The following MDGA2 variants were observed in gnomAD, a reference collection of about 807,000 sequenced individuals.
MDGA2 encodes the protein MAM domain-containing glycosylphosphatidylinositol anchor protein 2.
In MDGA2, 40 loss-of-function variants were observed where a neutral mutation model predicts 117.8. The observed-to-expected ratio is 0.34, with a 90% confidence interval of 0.26 to 0.44. MDGA2 has a LOEUF of 0.44. MDGA2 is among the 20% of genes least tolerant of loss of function. The pLI is 1.00. For synonymous variants in MDGA2, 452 were observed against 439.0 expected, an observed-to-expected ratio of 1.03 and a Z score of -0.37; for missense variants, 1,123 against 1,250.6, an observed-to-expected ratio of 0.90 and a Z score of 1.54.
At chr14:47,014,559 C>T (rs527706126) in intron 8 of MDGA2, among the ~76,000 whole-genome samples, 4 of 152,294 alleles carry the variant, frequency 2.6e-5, no homozygotes, top group African/African-American at 7.2e-5. Context: ...CATCAGGACT[C>T]GCTGCTTCAC....
chr14:47,172,837 G>A (rs548015609), intron 3 of MDGA2, among the ~76,000 whole-genome samples: 140 of 152,208 alleles, frequency 9.2e-4, no homozygotes, highest in Non-Finnish European at 1.6e-3. Flanking sequence ...GGCTTCAGAC[G>A]ATCAAACTAC....
At chr14:47,580,253 T>A (rs1287367739) in intron 1 of MDGA2, among the ~76,000 whole-genome samples, 1 of 152,042 alleles carries the variant, frequency 6.6e-6, no homozygotes, top group Admixed American at 6.6e-5. Flanking sequence ...AGACACAAGA[T>A]TCAGTGTCTT....
intron 8 of MDGA2, among the ~76,000 whole-genome samples, chr14:46,980,654 A>G (rs1886635461): frequency 6.6e-6 from 1 of 152,202 alleles, no homozygotes; most frequent in Non-Finnish European, 1.5e-5. Context: ...GTTTTATCTT[A>G]AGAAATTGCC....
chr14:47,312,263 T>G (rs1889659381), intron 1 of MDGA2, among the ~76,000 whole-genome samples: 2 of 152,260 alleles, frequency 1.3e-5, no homozygotes, highest in Admixed American at 1.3e-4. Flanking sequence ...TGTGGCAATG[T>G]GGCATGGTAC....
rs185630626 is a variant in MDGA2, at chr14:47,190,869, A to G, written c.595+27152T>C. 3.9e-5 allele frequency among the ~76,000 whole-genome samples: 6 copies of G among 152,268 alleles called. No homozygotes were observed. The East Asian group carries it at 9.7e-4, about 25-fold the overall frequency. On this transcript the variant is annotated intron_variant, in intron 3 of 16. Transcript: ENST00000399232. Reference sequence around the variant, plus strand: ...TGGAAAATCCAATATGGAGACTTGTATGTGCACTGGATTTTCAATCTTATT... The same window carrying G: ...TGGAAAATCCAATATGGAGACTTGTGTGTGCACTGGATTTTCAATCTTATT...
At chr14:47,265,730 C>A (rs1024053957) in intron 2 of MDGA2, among the ~76,000 whole-genome samples, 1 of 151,898 alleles carries the variant, frequency 6.6e-6, no homozygotes, top group Non-Finnish European at 1.5e-5. Flanking sequence ...AGAGGAATCA[C>A]AACTCCACTG....
rs1205325253 is a variant in MDGA2 at position 47,449,186 on chromosome 14, AT to A, written c.281-147637del. ...TCCTAAAAATGTGAAGGCATATGGCATTTTTTTGTTCTTTACTTTTGGAAAC... is the reference window on the plus strand; with the variant it reads ...TCCTAAAAATGTGAAGGCATATGGCATTTTTTGTTCTTTACTTTTGGAAAC... On this transcript the variant is annotated intron_variant, in intron 1 of 16. Transcript: ENST00000399232. 3.3e-5 allele frequency among the ~76,000 whole-genome samples: 5 copies of A among 152,154 alleles called. 2 individuals are homozygous for A. The Middle Eastern group carries it at 0.017, about 518-fold the overall frequency.
At chr14:47,579,355 A>G (rs143998792) in intron 1 of MDGA2, among the ~76,000 whole-genome samples, 1 of 152,152 alleles carries the variant, frequency 6.6e-6, no homozygotes, top group Admixed American at 6.5e-5. Context: ...GGTAATCTGA[A>G]GATTCATGGT....
chr14:47,229,949 T>C (rs1217206699), intron 2 of MDGA2, among the ~76,000 whole-genome samples: 1 of 152,074 alleles, frequency 6.6e-6, no homozygotes, highest in Admixed American at 6.6e-5. Context: ...TAATCAATAT[T>C]GATTTATCAC....
intron 5 of MDGA2, among the ~76,000 whole-genome samples, chr14:47,101,348 T>A (rs1880314663): frequency 6.6e-6 from 1 of 152,154 alleles, no homozygotes. Flanking sequence ...TCTTCCTATT[T>A]CCCCATAAGC....
intron 2 of MDGA2, among the ~76,000 whole-genome samples, chr14:47,240,324 G>A (rs1433239280): frequency 6.6e-6 from 1 of 151,866 alleles, no homozygotes; most frequent in Non-Finnish European, 1.5e-5. Flanking sequence ...GATCACAGGT[G>A]TGAGCCACCA....
At chr14:47,056,107 T>C (rs535214889) in intron 7 of MDGA2, among the ~76,000 whole-genome samples, 1 of 152,276 alleles carries the variant, frequency 6.6e-6, no homozygotes, top group East Asian at 1.9e-4. Context: ...TATTCCTTAC[T>C]ATAGCCATTC....
At chr14:47,265,613 G>A (rs890651150) in intron 2 of MDGA2, among the ~76,000 whole-genome samples, 2 of 148,472 alleles carry the variant, frequency 1.3e-5, no homozygotes, top group Non-Finnish European at 3.0e-5. Context: ...GGAAGCCAGT[G>A]TTTAACTTCG....
chr14:47,231,023 G>A (rs972974857), intron 2 of MDGA2, among the ~76,000 whole-genome samples: 1 of 151,914 alleles, frequency 6.6e-6, no homozygotes, highest in Admixed American at 6.6e-5. Context: ...TTTTGTGCTC[G>A]ATTTTCTACT....
chr14:46,987,368 G>A lies in MDGA2; in HGVS notation c.1820-29725C>T, dbSNP rs142600815. On this transcript the variant is annotated intron_variant, in intron 8 of 16. Transcript: ENST00000399232. ...CCTGCCAGAGCATAACTGAGAATTC[G>A]ACACAAAAATGTCTAATGTACAGAA... is the stretch of plus-strand genomic sequence containing the variant. Among the ~76,000 whole-genome samples, 588 of 152,030 alleles carry A rather than the reference G, an allele frequency of 3.9e-3. 7 individuals carry two copies. Among genetic ancestry groups the A allele is most frequent in the African/African-American group, 0.014 (572 of 41,482 alleles).
At chr14:47,343,028 A>C (rs1890677697) in intron 1 of MDGA2, 1 of 1,267,838 alleles carries the variant, frequency 7.9e-7, no homozygotes. Flanking sequence ...AGAGTGGGAG[A>C]AGCAGGCAGC....
intron 1 of MDGA2, among the ~76,000 whole-genome samples, chr14:47,470,754 A>G (rs907806699): frequency 1.3e-5 from 2 of 152,122 alleles, no homozygotes; most frequent in African/African-American, 4.8e-5. Context: ...TGGGACTTCC[A>G]TTAAAGGATT....
chr14:47,299,922 T>G (rs1889218922), intron 2 of MDGA2, among the ~76,000 whole-genome samples: 1 of 152,218 alleles, frequency 6.6e-6, no homozygotes, highest in Non-Finnish European at 1.5e-5. Context: ...TTCAACATTT[T>G]TAATAATTAT....
intron 3 of MDGA2, among the ~76,000 whole-genome samples, chr14:47,146,175 C>A (rs568254991): frequency 2.0e-5 from 3 of 152,024 alleles, no homozygotes; most frequent in Non-Finnish European, 4.4e-5. Flanking sequence ...CTTAGAGAAT[C>A]AAAGTAAAGA....
Sources: gnomAD v4.1 joint callset for allele counts (sites outside exome capture counted in the v4.1 genomes callset) on GRCh38, gnomAD v4.1.1 for gene constraint, MANE v1.5 for transcripts, NCBI Gene and HGNC (gene_info 2026-07-23, HGNC 2026-07-21) for gene names.